Variants in TRAK1 observed in about 807,000 individuals in gnomAD.
TRAK1 encodes the protein trafficking kinesin protein 1.
A neutral mutation model predicts 92.1 loss-of-function variants in TRAK1; 33 were observed. The observed-to-expected ratio is 0.36, with a 90% CI of 0.27 to 0.48. TRAK1 has a LOEUF of 0.48. Ranked by LOEUF, TRAK1 falls within the 20% of genes least tolerant of loss-of-function variation. The probability of loss-of-function intolerance (pLI) is 0.99; values close to 1 mark genes in which losing one functional copy is unlikely to be tolerated. For missense variants in TRAK1, 1,123 were observed against 1,257.9 expected (o/e 0.89, Z 1.62); for synonymous variants, 521 against 517.3 (o/e 1.01, Z -0.10).
intron 14 of TRAK1, chr3:42,218,667 G>C (rs1051038582): frequency 2.0e-6 from 2 of 985,228 alleles, no homozygotes; most frequent in Admixed American, 1.2e-4. Flanking sequence ...ATCTGCTGCA[G>C]ACCATAGTCT....
At chr3:42,171,596 A>T (rs886547579) in intron 2 of TRAK1, among the ~76,000 whole-genome samples, 2 of 151,468 alleles carry the variant, frequency 1.3e-5, no homozygotes, top group Non-Finnish European at 2.9e-5. Context: ...CAGCCCCACC[A>T]CTCCCTGAGC....
At chr3:42,211,573 A>G in intron 14 of TRAK1, 1 of 985,424 alleles carries the variant, frequency 1.0e-6, no homozygotes, top group Non-Finnish European at 1.2e-6. Flanking sequence ...GGTAGGCCTT[A>G]TGTTGATTGG....
At chr3:42,044,829 G>C (rs1188197532) in intron 1 of TRAK1, among the ~76,000 whole-genome samples, 2 of 147,656 alleles carry the variant, frequency 1.4e-5, no homozygotes, top group Admixed American at 1.3e-4. Context: ...TTTCTTTCCT[G>C]TGCTCTGTTT....
At chr3:42,038,803 G>GGT (rs1702424232) in intron 1 of TRAK1, among the ~76,000 whole-genome samples, 4 of 96,766 alleles carry the variant, frequency 4.1e-5, no homozygotes, top group South Asian at 3.6e-4. Context: ...AAAAAAAAAA[G>GGT]TTTTTTTTTT....
chr3:42,103,981 T>C (rs1035672283), intron 1 of TRAK1, among the ~76,000 whole-genome samples: 1 of 152,150 alleles, frequency 6.6e-6, no homozygotes, highest in Non-Finnish European at 1.5e-5. Flanking sequence ...AATACTGCGC[T>C]TTTCCAATGG....
Position 42,209,918 on chromosome 3 carries a change from C to G in TRAK1, c.1896C>G (p.Asp632Glu). 6.2e-7 allele frequency: 1 copy of G among 1,614,190 alleles called. No individual in the cohort carries two copies. Among genetic ancestry groups the G allele is most frequent in the Non-Finnish European group, 8.5e-7 (1 of 1,180,034 alleles). The part of the protein sequence containing the change: ...VYCLNDFEED[D>E]TGDHISLPRL... ...GCCTTAACGACTTTGAAGAAGATGA[C>G]ACAGGTGACCACATTTCTCTCCCAC... Residue 632 changes from aspartate (D) to glutamate (E), a missense_variant, in exon 14 of 16, where the codon GAC (aspartate) becomes GAG (glutamate). Around this residue, in one of 3 missense-constraint regions of TRAK1, gnomAD observed 401 missense variants for 438.9 expected, o/e 0.91. Transcript: ENST00000327628.
chr3:42,032,725 G>A (rs56030108), intron 1 of TRAK1, among the ~76,000 whole-genome samples: 7,218 of 152,208 alleles, frequency 0.047, 217 homozygotes, highest in South Asian at 0.14. Context: ...GTGGTAGGCT[G>A]CTTTTCTTCT....
At chr3:42,030,314 A>T (rs1020846213) in intron 1 of TRAK1, among the ~76,000 whole-genome samples, 5 of 149,800 alleles carry the variant, frequency 3.3e-5, no homozygotes, top group South Asian at 4.2e-4. Context: ...GTAAGCTGTG[A>T]TCTCGCCACT....
At chr3:42,127,743 A>C (rs2149151440) in intron 2 of TRAK1, among the ~76,000 whole-genome samples, 1 of 152,338 alleles carries the variant, frequency 6.6e-6, no homozygotes, top group African/African-American at 2.4e-5. Flanking sequence ...TTTTCAGAGA[A>C]CATTCACACA....
At chr3:42,058,110 G>A (rs922729955) in intron 1 of TRAK1, among the ~76,000 whole-genome samples, 2 of 152,132 alleles carry the variant, frequency 1.3e-5, no homozygotes, top group African/African-American at 2.4e-5. Flanking sequence ...GCCACAGTGG[G>A]CATTTCATTG....
chr3:42,042,618 G>T (rs142599284), intron 1 of TRAK1, among the ~76,000 whole-genome samples: 2 of 151,698 alleles, frequency 1.3e-5, no homozygotes, highest in African/African-American at 4.8e-5. Flanking sequence ...TGATCTGCCC[G>T]CCTTGGCCTC....
chr3:42,180,268 G>C (rs1212197729), intron 3 of TRAK1, among the ~76,000 whole-genome samples: 1 of 151,922 alleles, frequency 6.6e-6, no homozygotes, highest in Non-Finnish European at 1.5e-5. Context: ...TACATAGTAG[G>C]TATATATATT....
At chr3:42,067,779 T>C (rs1421838507) in intron 1 of TRAK1, among the ~76,000 whole-genome samples, 4 of 142,926 alleles carry the variant, frequency 2.8e-5, no homozygotes, top group Admixed American at 7.5e-5. Context: ...GATATTGATA[T>C]GTTTGTAATT....
chr3:42,095,807 G>C (rs1705832126), intron 1 of TRAK1, among the ~76,000 whole-genome samples: 1 of 152,158 alleles, frequency 6.6e-6, no homozygotes, highest in Non-Finnish European at 1.5e-5. Context: ...TGAGTATGTT[G>C]AAACCTAATC....
intron 1 of TRAK1, among the ~76,000 whole-genome samples, chr3:42,122,248 C>G (rs1337377124): frequency 6.6e-6 from 1 of 152,142 alleles, no homozygotes; most frequent in Non-Finnish European, 1.5e-5. Context: ...GACCTTCAGC[C>G]CTGGAAACAT....
chr3:42,123,591 C>G (rs115824435), intron 1 of TRAK1, among the ~76,000 whole-genome samples: 1 of 152,222 alleles, frequency 6.6e-6, no homozygotes, highest in Non-Finnish European at 1.5e-5. Context: ...TAAGACTGGG[C>G]CTTTCTCCTT....
chr3:42,210,669 A>T, intron 14 of TRAK1: 1 of 995,440 alleles, frequency 1.0e-6, no homozygotes, highest in Non-Finnish European at 1.2e-6. Flanking sequence ...TCACTTTCCC[A>T]GCTTCAATGG....
At chr3:42,129,375 A>AG (rs1158926213) in intron 2 of TRAK1, among the ~76,000 whole-genome samples, 2 of 152,150 alleles carry the variant, frequency 1.3e-5, no homozygotes, top group Non-Finnish European at 2.9e-5. Flanking sequence ...GAAGAGGGCC[A>AG]GCTACACATT....
At chr3:42,188,211 G>T in intron 5 of TRAK1, 66 bp downstream of exon 5, 1 of 1,481,752 alleles carries the variant, frequency 6.7e-7, no homozygotes, top group Non-Finnish European at 9.4e-7. Flanking sequence ...GATGTCCTTG[G>T]AGTCACCTAG....
Sources: allele counts gnomAD v4.1 joint callset (sites outside exome capture counted in the v4.1 genomes callset), GRCh38; gene constraint gnomAD v4.1.1; regional missense constraint gnomAD v4.1.1; transcripts MANE v1.5; gene names NCBI Gene and HGNC (gene_info 2026-07-23, HGNC 2026-07-21).